Variants in RBFOX1 observed in about 807,000 individuals in gnomAD.
RBFOX1 encodes RNA binding fox-1 homolog 1.
Under a neutral mutation model 57.7 loss-of-function variants are expected in RBFOX1, and 8 were observed. That is an observed-to-expected ratio of 0.14 (90% CI 0.08 to 0.25). RBFOX1 has a LOEUF of 0.25. Among genes scored for constraint, RBFOX1 ranks in the 10% least tolerant of loss-of-function variants. The pLI is 1.00. For missense variants in RBFOX1, 611 were observed against 548.5 expected (o/e 1.11, Z -1.14); for synonymous variants, 326 against 222.4 (o/e 1.47, Z -4.15).
intron 2 of RBFOX1, among the ~76,000 whole-genome samples, chr16:6,368,512 A>G (rs371223942): frequency 6.6e-6 from 1 of 152,186 alleles, no homozygotes; most frequent in Non-Finnish European, 1.5e-5. Context: ...CTCTGCATCC[A>G]CATCTCCTTC....
At chr16:5,765,810 C>G (rs138860948) in intron 3 of RBFOX1, among the ~76,000 whole-genome samples, 1 of 152,156 alleles carries the variant, frequency 6.6e-6, no homozygotes, top group East Asian at 1.9e-4. Context: ...GATGCTCATC[C>G]CTAGAGTTCC....
rs60566425 is a variant in RBFOX1, at chr16:7,125,074, G to A, written c.27+72976G>A. ...GAGGTTTGGATGAAGAGAGCACTCTGTCAAAGCTGAGATATTTAAAGAAAA... is the reference window on the plus strand; with the variant it reads ...GAGGTTTGGATGAAGAGAGCACTCTATCAAAGCTGAGATATTTAAAGAAAA... On this transcript the variant is annotated intron_variant, in intron 4 of 15. Coordinates refer to ENST00000550418, the MANE Select transcript of RBFOX1 (RefSeq NM_018723.4). 3.8e-3 allele frequency among the ~76,000 whole-genome samples: 577 copies of A among 152,288 alleles called. 6 individuals are homozygous for A. The highest frequency in any genetic ancestry group is 0.013 in the African/African-American group (550 of 41,570).
At chr16:6,623,628 T>G (rs1380992592) in intron 2 of RBFOX1, among the ~76,000 whole-genome samples, 1 of 151,710 alleles carries the variant, frequency 6.6e-6, no homozygotes, top group Non-Finnish European at 1.5e-5. Context: ...CGGTGTCTAA[T>G]GTTCCCCTTC....
At chr16:6,995,146 C>G (rs116034824) in intron 3 of RBFOX1, among the ~76,000 whole-genome samples, 5 of 152,082 alleles carry the variant, frequency 3.3e-5, no homozygotes, top group African/African-American at 9.7e-5. Flanking sequence ...GCTAATATCT[C>G]AATTCTCTTG....
At chr16:7,333,115 A>G (rs774940378) in intron 4 of RBFOX1, 28 of 1,596,680 alleles carry the variant, frequency 1.8e-5, no homozygotes, top group Non-Finnish European at 5.2e-6. Context: ...GCCAGCCAGC[A>G]ACTTAACTCC....
chr16:7,690,705 G>C (rs1040186635), intron 14 of RBFOX1, among the ~76,000 whole-genome samples: 1 of 152,054 alleles, frequency 6.6e-6, no homozygotes, highest in Non-Finnish European at 1.5e-5. Flanking sequence ...ATATAGCGGA[G>C]ACATTCGTCT....
At chr16:5,727,997 G>C (rs1011444349) in intron 3 of RBFOX1, among the ~76,000 whole-genome samples, 1 of 152,148 alleles carries the variant, frequency 6.6e-6, no homozygotes. Context: ...TCCTCTCTCT[G>C]TTTCTATCAG....
chr16:6,615,437 G>A (rs2098128365), intron 2 of RBFOX1, among the ~76,000 whole-genome samples: 1 of 152,222 alleles, frequency 6.6e-6, no homozygotes, highest in Middle Eastern at 3.4e-3. Flanking sequence ...GGGTGTGCTG[G>A]TGGGTGCCTG....
chr16:5,968,483 A>G (rs928226075), intron 4 of RBFOX1, among the ~76,000 whole-genome samples: 3 of 152,222 alleles, frequency 2.0e-5, no homozygotes, highest in African/African-American at 7.2e-5. Context: ...TGTTGGATGT[A>G]GAACACGTGG....
chr16:7,269,889 C>T (rs2095274809), intron 4 of RBFOX1, among the ~76,000 whole-genome samples: 1 of 152,198 alleles, frequency 6.6e-6, no homozygotes, highest in South Asian at 2.1e-4. Context: ...AGCGTATTAG[C>T]ATACCGTTTA....
intron 3 of RBFOX1, among the ~76,000 whole-genome samples, chr16:5,714,526 G>T (rs977947349): frequency 6.6e-6 from 1 of 152,156 alleles, no homozygotes; most frequent in Non-Finnish European, 1.5e-5. Flanking sequence ...GGCCAACCTG[G>T]GTGGGACCTT....
chr16:6,946,678 C>A (rs183468019), intron 3 of RBFOX1, among the ~76,000 whole-genome samples: 2 of 152,238 alleles, frequency 1.3e-5, no homozygotes, highest in Admixed American at 6.5e-5. Flanking sequence ...TCACAGTTCA[C>A]TGCAATCTCA....
intron 3 of RBFOX1, among the ~76,000 whole-genome samples, chr16:7,007,813 C>T (rs182624868): frequency 3.7e-4 from 56 of 152,272 alleles, no homozygotes; most frequent in Non-Finnish European, 6.6e-4. Flanking sequence ...GAAGCCTGCA[C>T]GCTCCTGTGC....
intron 3 of RBFOX1, among the ~76,000 whole-genome samples, chr16:6,790,705 T>G (rs543985549): frequency 8.8e-4 from 134 of 152,284 alleles, no homozygotes; most frequent in African/African-American, 3.2e-3. Context: ...AGTTCAGTCT[T>G]GGCTCTCCAT....
intron 3 of RBFOX1, among the ~76,000 whole-genome samples, chr16:5,639,440 G>A (rs560981139): frequency 6.6e-6 from 1 of 152,136 alleles, no homozygotes; most frequent in Non-Finnish European, 1.5e-5. Flanking sequence ...CAGAAGTCTT[G>A]ATATGAATCA....
chr16:6,278,379 A>G (rs2076052216), intron 1 of RBFOX1, among the ~76,000 whole-genome samples: 1 of 37,592 alleles, frequency 2.7e-5, no homozygotes, highest in Non-Finnish European at 7.4e-5. Flanking sequence ...GGACTCACCA[A>G]AAAAAAAAAA....
chr16:6,980,312 A>G (rs559151296), intron 3 of RBFOX1, among the ~76,000 whole-genome samples: 1 of 152,316 alleles, frequency 6.6e-6, no homozygotes, highest in East Asian at 1.9e-4. Flanking sequence ...TCTTCCGTTA[A>G]ATATTACCTA....
At chr16:7,045,301 G>T (rs2047531588) in intron 3 of RBFOX1, among the ~76,000 whole-genome samples, 1 of 152,146 alleles carries the variant, frequency 6.6e-6, no homozygotes, top group Non-Finnish European at 1.5e-5. Context: ...GCAGGATATT[G>T]TCACTAGAAT....
intron 4 of RBFOX1, among the ~76,000 whole-genome samples, chr16:7,102,554 G>A (rs1355046951): frequency 3.3e-5 from 5 of 152,114 alleles, no homozygotes; most frequent in African/African-American, 4.8e-5. Flanking sequence ...AAGGTTTGCG[G>A]CTTGGATATG....
Sources: gnomAD v4.1 joint callset for allele counts (sites outside exome capture counted in the v4.1 genomes callset) on GRCh38, gnomAD v4.1.1 for gene constraint, MANE v1.5 for transcripts, NCBI Gene and HGNC (gene_info 2026-07-23, HGNC 2026-07-21) for gene names.